FAAP100: variants seen among roughly 807,000 people sequenced by gnomAD.
FAAP100 encodes Fanconi anemia core complex-associated protein 100.
A neutral mutation model predicts 65.8 loss-of-function variants in FAAP100; 46 were observed. The observed-to-expected ratio is 0.70, with a 90% CI of 0.55 to 0.89. The LOEUF (loss-of-function observed/expected upper bound fraction) is 0.89. Ranked by LOEUF, FAAP100 falls within the 40% of genes least tolerant of loss-of-function variation. FAAP100 has a pLI of 0.00. For missense variants in FAAP100, 1,165 were observed against 1,196.7 expected (o/e 0.97, Z 0.39); for synonymous variants, 663 against 555.1 (o/e 1.19, Z -2.73).
rs778142557 is a variant in FAAP100, at chr17:81,551,959, A to C, written c.259T>G (p.Cys87Gly). The C allele has an allele frequency of 6.4e-7, 1 of 1,564,758 alleles. No homozygotes were observed. The highest frequency in any genetic ancestry group is 1.2e-5 in the South Asian group (1 of 85,938). ...CTGCCCGGGTGGTCCAGCGACAGGC[A>C]GTAGAGGCCCCTCCGGGCGCACAGC... ...YALCARRGLY[C>G]LSLDHPGRSR... The change falls in exon 2 of 9, where the codon TGC becomes GGC. Residue 87 changes from cysteine (C) to glycine (G), a missense_variant. Cys to Gly is a radical substitution (Grantham distance 159). Transcript: ENST00000327787.
intron 3 of FAAP100, among the ~76,000 whole-genome samples, chr17:81,549,979 C>T (rs1252725870): frequency 1.3e-5 from 2 of 152,186 alleles, no homozygotes; most frequent in African/African-American, 4.8e-5. Context: ...ATGCAGTTTC[C>T]TCCAAGTCCA....
chr17:81,546,250 C>T (rs2033297149), intron 5 of FAAP100, among the ~76,000 whole-genome samples: 1 of 152,266 alleles, frequency 6.6e-6, no homozygotes, highest in South Asian at 2.1e-4. Context: ...CCTCTCTGCA[C>T]AAGCCCAAAT....
Position 81,541,414 on chromosome 17 carries a change from A to G in FAAP100, c.2428-19T>C, listed in dbSNP as rs776923173. On this transcript the variant is annotated intron_variant, in intron 7 of 8. Transcript: ENST00000327787. ...CCATCGTCTGGGGGACACAGGAGAC[A>G]TGCTGGAGAGGGTGTGCCCCAGCAC... 2.8e-5 allele frequency: 45 copies of G among 1,583,592 alleles called. No individual in the cohort carries two copies. Among genetic ancestry groups the G allele is most frequent in the Middle Eastern group, 1.7e-4 (1 of 5,906 alleles).
Position 81,551,014 on chromosome 17 carries a change from A to T in FAAP100, c.480T>A (p.Pro160=). The part of the protein sequence containing the change: ...WKMQLFEQPC[P]GEDPRPGGQI... ...GGCCTCCTGGCCGGGGGTCCTCCCC[A>T]GGACAGGGCTGCTCAAACAGCTGCA... The change falls in exon 3 of 9, where the codon CCT becomes CCA. Residue 160 remains proline (P), a synonymous_variant. Transcript: ENST00000327787. The T allele has an allele frequency of 6.2e-7, 1 of 1,611,486 alleles. No homozygotes were observed. Among genetic ancestry groups the T allele is most frequent in the Non-Finnish European group, 8.5e-7 (1 of 1,179,408 alleles).
intron 4 of FAAP100, chr17:81,548,121 C>T (rs2033376442): frequency 1.6e-6 from 1 of 613,252 alleles, no homozygotes; most frequent in African/African-American, 1.8e-5. Flanking sequence ...GCAGGCGCTA[C>T]AGAAACAGCC....
At position 81,545,834 on chromosome 17, in the gene FAAP100, G is replaced by A; in HGVS notation, c.2222C>T (p.Ala741Val). The A allele has an allele frequency of 6.2e-7, 1 of 1,611,098 alleles. No individual in the cohort carries two copies. The highest frequency in any genetic ancestry group is 1.1e-5 in the South Asian group (1 of 91,072). Reference protein sequence around the residue: ...ATLQWLLAENAAVDVVRARAL... With the variant: ...ATLQWLLAENVAVDVVRARAL... ...TCGGGCCCTCACGACGTCCACAGCA[G>A]CATTCTCAGCAAGGAGCCACTGCAG... Residue 741 changes from alanine to valine, a missense_variant, in exon 6 of 9, where the codon GCT (alanine) becomes GTT (valine). Coordinates refer to ENST00000327787, the MANE Select transcript of FAAP100 (RefSeq NM_025161.6).
intron 7 of FAAP100, among the ~76,000 whole-genome samples, chr17:81,542,829 G>A (rs542907055): frequency 5.6e-4 from 86 of 152,334 alleles, no homozygotes; most frequent in African/African-American, 2.0e-3. Context: ...ACAAACCCAG[G>A]GGCTGGAGCT....
intron 2 of FAAP100, 54 bp downstream of exon 2, chr17:81,551,874 G>A: frequency 6.7e-7 from 1 of 1,483,832 alleles, no homozygotes; most frequent in Non-Finnish European, 8.9e-7. Flanking sequence ...TCGCTCTGAA[G>A]CAGTCCGGGG....
At chr17:81,542,799 A>G (rs2033163660) in intron 7 of FAAP100, among the ~76,000 whole-genome samples, 1 of 152,178 alleles carries the variant, frequency 6.6e-6, no homozygotes, top group South Asian at 2.1e-4. Flanking sequence ...GTGTCCTTGT[A>G]AGAAAAGGGA....
intron 8 of FAAP100, 64 bp from the exon 9 acceptor site, chr17:81,541,014 C>T: frequency 1.3e-6 from 2 of 1,489,188 alleles, no homozygotes; most frequent in Non-Finnish European, 1.8e-6. Context: ...CTGGGTACCT[C>T]TGGGGGACCC....
chr17:81,550,898 G>C lies in FAAP100; in HGVS notation c.596C>G (p.Ser199Cys), dbSNP rs757866728. The change falls in exon 3 of 9, where the codon TCT becomes TGT. Residue 199 changes from serine (S) to cysteine (C), a missense_variant. Coordinates refer to ENST00000327787, the MANE Select transcript of FAAP100 (RefSeq NM_025161.6). ...GACCCTGGAGCCTGATGGTGACACA[G>C]AGCACAGCACTGGAAGGAAGTGGGG... is the stretch of plus-strand genomic sequence containing the variant. ...AAPHFLPVLC[S>C]VSPSGSRVPH... is the part of the protein sequence containing the mutation. The C allele has an allele frequency of 1.9e-6, 3 of 1,612,466 alleles. No individual in the cohort carries two copies. The highest frequency in any genetic ancestry group is 1.3e-5 in the African/African-American group (1 of 74,944).
rs1032786183 is a variant in FAAP100 at position 81,545,662 on chromosome 17, G to A, written c.2310+84C>T. ...AGGCTGCCAGGCCCCCACCCAGGGTGAGGGGTCCTCCCGAGCTCCGGCCCA... is the reference window on the plus strand; with the variant it reads ...AGGCTGCCAGGCCCCCACCCAGGGTAAGGGGTCCTCCCGAGCTCCGGCCCA... On this transcript the variant is annotated intron_variant, in intron 6 of 8. Coordinates refer to ENST00000327787, the MANE Select transcript of FAAP100 (RefSeq NM_025161.6). The A allele has an allele frequency of 1.5e-5, 22 of 1,491,094 alleles. No homozygotes were observed. In the African/African-American group the frequency reaches 2.8e-4, roughly 19 times the overall value. The allele number at this position is 1,491,094 out of a possible 1,614,324, so 92.4% of individuals were successfully genotyped here.
Position 81,550,434 on chromosome 17 carries a change from C to G in FAAP100, c.1060G>C (p.Gly354Arg), listed in dbSNP as rs200471017. 1.2e-6 allele frequency: 2 copies of G among 1,612,588 alleles called. No homozygotes were observed. Among genetic ancestry groups the G allele is most frequent in the Admixed American group, 3.3e-5 (2 of 60,000 alleles). The stretch of plus-strand genomic sequence containing the variant: ...GTGCTGTGGTACACGCGGCCACCCC[C>G]GCCACAGGCAGCGCAGAGCACAGGG... ...PGPVLCAACG[G>R]GGRVYHSTPS... Residue 354 changes from glycine to arginine, a missense_variant, in exon 3 of 9, where the codon GGG (glycine) becomes CGG (arginine). Gly to Arg is a moderately radical substitution (Grantham distance 125). Transcript: ENST00000327787.
chr17:81,541,313 T>A lies in FAAP100; in HGVS notation c.2510A>T (p.His837Leu). 6.2e-7 allele frequency: 1 copy of A among 1,611,032 alleles called. No homozygotes were observed. The highest frequency in any genetic ancestry group is 8.5e-7 in the Non-Finnish European group (1 of 1,179,440). ...CCCGGGGAACCGGGTGCTCACCTCG[T>A]GGTTGGCGTGGATCTGGCGGAGGTA... The part of the protein sequence containing the change: ...VQYLRQIHAN[H>L]ETLLREVQTL... Residue 837 changes from histidine to leucine, a missense_variant, in exon 8 of 9, where the codon CAC (histidine) becomes CTC (leucine). Transcript: ENST00000327787.
At position 81,547,060 on chromosome 17, in the gene FAAP100, G is replaced by A. The variant is rs1789853267; in HGVS notation, c.2022C>T (p.Asp674=). The part of the protein sequence containing the change: ...RAPSPLGPTR[D]PVATFLETCR... ...AAGTTTCCAGAAAAGTGGCCACAGGGTCTCGGGTGGGGCCGAGTGGGGAGG... is the reference window on the plus strand; with the variant it reads ...AAGTTTCCAGAAAAGTGGCCACAGGATCTCGGGTGGGGCCGAGTGGGGAGG... Residue 674 remains aspartate (D), a synonymous_variant, in exon 5 of 9, where the codon GAC becomes GAT. Transcript: ENST00000327787. 1.9e-6 allele frequency: 3 copies of A among 1,555,618 alleles called. No homozygotes were observed. The South Asian group carries it at 3.6e-5, about 19-fold the overall frequency.
At chr17:81,543,919 G>T in intron 7 of FAAP100, 85 bp downstream of exon 7, 2 of 1,275,192 alleles carry the variant, frequency 1.6e-6, no homozygotes, top group Non-Finnish European at 2.2e-6. Flanking sequence ...CGCAGACCCC[G>T]TGGCCAGCAG....
chr17:81,550,178 T>C, intron 3 of FAAP100, 70 bp downstream of exon 3: 1 of 1,398,554 alleles, frequency 7.2e-7, no homozygotes, highest in Non-Finnish European at 9.8e-7. Context: ...GGCGGCCTGA[T>C]AGTAGCAGAC....
chr17:81,547,900 C>G (rs1353616184), intron 4 of FAAP100: 4 of 713,194 alleles, frequency 5.6e-6, no homozygotes, highest in Non-Finnish European at 1.0e-5. Context: ...CTGACCTGAC[C>G]TCTCCTCTTG....
At chr17:81,550,091 C>G (rs1356916500) in intron 3 of FAAP100, among the ~76,000 whole-genome samples, 157 bp downstream of exon 3, 1 of 152,162 alleles carries the variant, frequency 6.6e-6, no homozygotes, top group East Asian at 1.9e-4. Flanking sequence ...CCTGGCTTGA[C>G]CTTGAGACAA....
Sources: allele counts gnomAD v4.1 joint callset (sites outside exome capture counted in the v4.1 genomes callset), GRCh38; gene constraint gnomAD v4.1.1; transcripts MANE v1.5; gene names NCBI Gene and HGNC (gene_info 2026-07-23, HGNC 2026-07-21).